The following ARID3B variants were observed in gnomAD, a reference collection of about 807,000 sequenced individuals.
ARID3B encodes AT-rich interaction domain 3B.
Under a neutral mutation model 51.9 loss-of-function variants are expected in ARID3B, and 10 were observed. The observed-to-expected ratio is 0.19, with a 90% CI of 0.12 to 0.33. The LOEUF (loss-of-function observed/expected upper bound fraction) is 0.33, where lower values mean the gene tolerates loss of function less well. ARID3B is among the 10% of genes least tolerant of loss of function. The probability of loss-of-function intolerance (pLI) is 1.00; values close to 1 mark genes in which losing one functional copy is unlikely to be tolerated. For missense variants in ARID3B, 483 were observed against 716.3 expected (o/e 0.67, Z 3.72); for synonymous variants, 205 against 279.5 (o/e 0.73, Z 2.66).
intron 2 of ARID3B, among the ~76,000 whole-genome samples, chr15:74,572,226 G>A (rs553981725): frequency 6.6e-6 from 1 of 152,174 alleles, no homozygotes; most frequent in Non-Finnish European, 1.5e-5. Flanking sequence ...AATCAATTAA[G>A]TTGGGCTTAG....
chr15:74,579,176 C>T (rs943472152), intron 4 of ARID3B, among the ~76,000 whole-genome samples: 4 of 152,200 alleles, frequency 2.6e-5, no homozygotes, highest in African/African-American at 9.6e-5. Context: ...TGCTGTATCT[C>T]TTGCTTGTTA....
intron 4 of ARID3B, among the ~76,000 whole-genome samples, chr15:74,575,256 T>C (rs2061733720): frequency 6.6e-6 from 1 of 152,164 alleles, no homozygotes; most frequent in African/African-American, 2.4e-5. Flanking sequence ...CTTTATTGTT[T>C]TTCTCCCTTC....
intron 2 of ARID3B, among the ~76,000 whole-genome samples, chr15:74,558,030 C>T (rs530700768): frequency 1.3e-5 from 2 of 151,950 alleles, no homozygotes; most frequent in African/African-American, 4.8e-5. Context: ...ACTGTGTTAG[C>T]CTGGATGGTC....
chr15:74,563,747 T>TA (rs1170491888), intron 2 of ARID3B, among the ~76,000 whole-genome samples: 4 of 152,180 alleles, frequency 2.6e-5, no homozygotes, highest in African/African-American at 9.7e-5. Context: ...AGCTAGGACT[T>TA]ACTTACCTCT....
intron 2 of ARID3B, among the ~76,000 whole-genome samples, chr15:74,559,569 A>G (rs2061671373): frequency 6.6e-6 from 1 of 152,216 alleles, no homozygotes; most frequent in African/African-American, 2.4e-5. Context: ...GAAAAGGTCA[A>G]GTGGGAAGCT....
intron 2 of ARID3B, among the ~76,000 whole-genome samples, chr15:74,562,805 C>T (rs974629621): frequency 1.2e-4 from 19 of 152,174 alleles, no homozygotes; most frequent in African/African-American, 4.3e-4. Context: ...TTGTACCAAC[C>T]CTTGTTGTCA....
At chr15:74,579,665 G>C (rs1237230612) in intron 4 of ARID3B, among the ~76,000 whole-genome samples, 1 of 152,056 alleles carries the variant, frequency 6.6e-6, no homozygotes, top group Non-Finnish European at 1.5e-5. Flanking sequence ...CTTCTCTCCT[G>C]TCCTTGCTGT....
In ARID3B at chr15:74,591,014, C is replaced by A; in HGVS notation, c.882-137C>A. 7.4e-7 allele frequency: 1 copy of A among 1,359,894 alleles called. No individual in the cohort carries two copies. The highest frequency in any genetic ancestry group is 9.9e-7 in the Non-Finnish European group (1 of 1,006,608). The allele number at this position is 1,359,894 out of a possible 1,614,324, so 84.2% of individuals were successfully genotyped here. A position where few individuals can be genotyped will look rare whatever the true frequency, so the allele number is the denominator to read the frequency against. On this transcript the variant is annotated intron_variant, in intron 5 of 8. Transcript: ENST00000346246. The surrounding 1 kb of genome is among the most constrained non-coding windows in gnomAD (Gnocchi z 5.8). Reference sequence around the variant, plus strand: ...TGTCCGGCCATCCCAGACTTTTCTGCCAAGTATACCAAGGTTGCAATCCTT... The same window carrying A: ...TGTCCGGCCATCCCAGACTTTTCTGACAAGTATACCAAGGTTGCAATCCTT...
Position 74,544,086 on chromosome 15 carries a change from G to T in ARID3B, c.150G>T (p.Pro50=). ...ATGCCCAAAAGCTGGTCACACAGCC[G>T]ACTCTCCTTTCCGCCACAGCTGGGA... ...FLYAQKLVTQ[P]TLLSATAGRP... is the part of the protein sequence containing the mutation. Residue 50 remains proline, a synonymous_variant, in exon 2 of 9, where the codon CCG becomes CCT. Transcript: ENST00000346246. 6.2e-7 allele frequency: 1 copy of T among 1,613,958 alleles called. No homozygotes were observed. Among genetic ancestry groups the T allele is most frequent in the Non-Finnish European group, 8.5e-7 (1 of 1,179,874 alleles).
In ARID3B at chr15:74,591,412, C is replaced by G. The variant is rs563699167; in HGVS notation, c.1143C>G (p.Ser381=). The part of the protein sequence containing the change: ...SGTNTSSPRI[S]PATTLRKGDG... ...CCAATACCAGTAGCCCTCGGATATC[C>G]CCAGCAACCACTCTCAGGAAAGGTC... The change falls in exon 6 of 9, where the codon TCC becomes TCG. Residue 381 remains serine, a synonymous_variant. Transcript: ENST00000346246. This position sits in a 1 kb window ranked among gnomAD's most constrained non-coding sequence, Gnocchi z 5.8. 1.5e-5 allele frequency: 24 copies of G among 1,605,476 alleles called. No individual in the cohort carries two copies. In the South Asian group the frequency reaches 2.5e-4, roughly 17 times the overall value.
chr15:74,575,929 C>T (rs999005650), intron 4 of ARID3B, among the ~76,000 whole-genome samples: 2 of 152,144 alleles, frequency 1.3e-5, no homozygotes, highest in African/African-American at 4.8e-5. Flanking sequence ...CAGGGTCTCA[C>T]TCTGTTGCCT....
At chr15:74,550,998 C>T (rs2061635504) in intron 2 of ARID3B, among the ~76,000 whole-genome samples, 1 of 152,206 alleles carries the variant, frequency 6.6e-6, no homozygotes, top group Non-Finnish European at 1.5e-5. Flanking sequence ...AAGACCCCCA[C>T]ATATACCAAA....
intron 4 of ARID3B, among the ~76,000 whole-genome samples, chr15:74,588,706 GC>G (rs1293784252): frequency 6.6e-6 from 1 of 152,048 alleles, no homozygotes; most frequent in Non-Finnish European, 1.5e-5. Flanking sequence ...GAAAGGACTT[GC>G]CCCGCCCTCA....
chr15:74,591,394 C>G lies in ARID3B; in HGVS notation c.1125C>G (p.Thr375=), dbSNP rs1399016592. 1 of 1,610,474 alleles carries G rather than the reference C, an allele frequency of 6.2e-7. No individual in the cohort carries two copies. The highest frequency in any genetic ancestry group is 1.3e-5 in the African/African-American group (1 of 74,974). The change falls in exon 6 of 9, where the codon ACC becomes ACG. Residue 375 remains threonine, a synonymous_variant. Coordinates refer to ENST00000346246, the MANE Select transcript of ARID3B (RefSeq NM_006465.4). The surrounding 1 kb of genome is among the most constrained non-coding windows in gnomAD (Gnocchi z 5.8). ...LGLGSSSGTN[T]SSPRISPATT... is the part of the protein sequence containing the mutation. ...TTGGCTCCAGCAGTGGTACCAATAC[C>G]AGTAGCCCTCGGATATCCCCAGCAA...
intron 1 of ARID3B, among the ~76,000 whole-genome samples, chr15:74,543,172 T>C (rs766198831): frequency 4.6e-5 from 7 of 152,216 alleles, no homozygotes; most frequent in Non-Finnish European, 1.0e-4. Flanking sequence ...CTTGCCTCCT[T>C]GCGTGTTTCT....
chr15:74,564,044 G>A (rs911689866), intron 2 of ARID3B, among the ~76,000 whole-genome samples: 1 of 152,216 alleles, frequency 6.6e-6, no homozygotes, highest in Non-Finnish European at 1.5e-5. Context: ...GCTAGCAAGA[G>A]GTGGGAAGGC....
intron 4 of ARID3B, among the ~76,000 whole-genome samples, chr15:74,589,021 C>CTTT (rs900091332): frequency 1.1e-4 from 10 of 87,850 alleles, no homozygotes; most frequent in African/African-American, 2.0e-4. Flanking sequence ...CAAGCACACT[C>CTTT]TTTTTTTTTT....
In ARID3B at chr15:74,596,521, T is replaced by C. The variant is rs539761034; in HGVS notation, c.*747T>C. 4.7e-4 allele frequency: 109 copies of C among 233,570 alleles called. 1 individual carries two copies. The highest frequency in any genetic ancestry group is 2.3e-3 in the African/African-American group (104 of 45,426). The allele number at this position is 233,570 out of a possible 1,614,324, so 14.5% of individuals were successfully genotyped here. A position where few individuals can be genotyped will look rare whatever the true frequency, so the allele number is the denominator to read the frequency against. Reference sequence around the variant, plus strand: ...TGACCGCCCCCGCCAAACCTCATGCTCCCCACTTGCCCTTATTGGCCTGCT... The same window carrying C: ...TGACCGCCCCCGCCAAACCTCATGCCCCCCACTTGCCCTTATTGGCCTGCT... On this transcript the variant is annotated 3_prime_UTR_variant, in exon 9 of 9. Transcript: ENST00000346246.
At chr15:74,546,411 A>G (rs560795346) in intron 2 of ARID3B, among the ~76,000 whole-genome samples, 1 of 152,312 alleles carries the variant, frequency 6.6e-6, no homozygotes, top group Non-Finnish European at 1.5e-5. Flanking sequence ...GGTCGTTCCT[A>G]GAAAGTGCAG....
Sources: allele counts gnomAD v4.1 joint callset (sites outside exome capture counted in the v4.1 genomes callset), GRCh38; gene constraint gnomAD v4.1.1; non-coding constraint Gnocchi (gnomAD v3.1); transcripts MANE v1.5; gene names NCBI Gene and HGNC (gene_info 2026-07-23, HGNC 2026-07-21).